SP110: variants seen among roughly 807,000 people sequenced by gnomAD.
SP110 encodes the protein interferon-induced protein 41, 30kD.
SP110 carries 62 observed loss-of-function variants against 92.7 expected under a neutral mutation model. That is an observed-to-expected ratio of 0.67 (90% confidence interval 0.55 to 0.83). The LOEUF (loss-of-function observed/expected upper bound fraction) is 0.83. SP110 is among the 40% of genes least tolerant of loss of function. SP110 has a pLI of 0.00. For synonymous variants in SP110, 273 were observed against 305.3 expected (o/e 0.89, Z 1.10); for missense variants, 793 against 863.9 (o/e 0.92, Z 1.03).
At chr2:230,172,384 G>T in intron 15 of SP110, 1 of 619,732 alleles carries the variant, frequency 1.6e-6, no homozygotes. Flanking sequence ...TGAGGAAGGT[G>T]GTGTCACTGT....
intron 8 of SP110, among the ~76,000 whole-genome samples, chr2:230,207,405 T>A (rs1301506047): frequency 6.6e-6 from 1 of 152,164 alleles, no homozygotes. Flanking sequence ...CCTGCAGCAC[T>A]CATATATATA....
intron 4 of SP110, 55 bp from the exon 5 acceptor site, chr2:230,212,485 G>A: frequency 7.2e-7 from 1 of 1,387,490 alleles, no homozygotes; most frequent in Non-Finnish European, 1.0e-6. Context: ...TCAGGGAGAA[G>A]AGTGAATGTT....
At position 230,165,266 on chromosome 2, in the gene SP110, T is replaced by C. The variant is rs925992731; in HGVS notation, c.*3858A>G. ...CAATAGAACACATTCTAAGATATGG[T>C]GAATCAGAAAACATACCATCCATGT... is the stretch of plus-strand genomic sequence containing the variant. On this transcript the variant is annotated 3_prime_UTR_variant, in exon 19 of 19. Coordinates refer to ENST00000258381, the MANE Select transcript of SP110 (RefSeq NM_080424.4). Among the ~76,000 whole-genome samples the C allele has an allele frequency of 1.3e-5, 2 of 152,350 alleles. No homozygotes were observed. The highest frequency in any genetic ancestry group is 4.8e-5 in the African/African-American group (2 of 41,564).
intron 10 of SP110, among the ~76,000 whole-genome samples, chr2:230,191,592 G>A (rs6736220): frequency 0.75 from 113,205 of 151,672 alleles, 42,459 homozygotes; most frequent in Admixed American, 0.82. Context: ...GGAAGAAGTT[G>A]AATCCCTGAA....
At chr2:230,203,278 A>G (rs536172455) in intron 8 of SP110, 6 of 163,698 alleles carry the variant, frequency 3.7e-5, no homozygotes, top group Non-Finnish European at 6.8e-5. Context: ...GAGGGTGCAG[A>G]GGTGAGTTTG....
At chr2:230,215,809 C>A (rs2045096335) in intron 2 of SP110, among the ~76,000 whole-genome samples, 1 of 152,142 alleles carries the variant, frequency 6.6e-6, no homozygotes, top group Non-Finnish European at 1.5e-5. Context: ...TTAATAAACA[C>A]AAATAAATAC....
upstream of SP110, among the ~76,000 whole-genome samples, chr2:230,224,782 A>G (rs1004572505): frequency 6.6e-6 from 1 of 152,146 alleles, no homozygotes; most frequent in Non-Finnish European, 1.5e-5. Context: ...TTCAATCCTC[A>G]CTACTGTTCT....
upstream of SP110, among the ~76,000 whole-genome samples, chr2:230,221,942 T>C (rs1234644039): frequency 1.3e-5 from 2 of 152,164 alleles, no homozygotes; most frequent in African/African-American, 4.8e-5. Context: ...CATATATGCT[T>C]GGCTGGGCAC....
chr2:230,224,218 A>T (rs2046054809), upstream of SP110, among the ~76,000 whole-genome samples: 1 of 152,214 alleles, frequency 6.6e-6, no homozygotes, highest in Non-Finnish European at 1.5e-5. Context: ...TGTGCTTATA[A>T]GCAAAAGAAG....
chr2:230,183,500 C>T (rs574958053), intron 12 of SP110, 72 bp downstream of exon 12: 57 of 938,622 alleles, frequency 6.1e-5, no homozygotes, highest in Admixed American at 3.1e-4. Flanking sequence ...AAGGAGAGGG[C>T]GGGTGGAGCT....
At position 230,206,595 on chromosome 2, in the gene SP110, TTATATATATATATATATATATATA is replaced by T. The variant is rs56817002; in HGVS notation, c.898+1372_898+1395del. On this transcript the variant is annotated intron_variant, in intron 8 of 18. Transcript: ENST00000258381. Reference sequence around the variant, plus strand: ...TATTATATATTATCTGGTCCAGATTTTATATATATATATATATATATATATATATATATATATATATATGGACCA... The same window carrying T: ...TATTATATATTATCTGGTCCAGATTTTATATATATATATATATATGGACCA... 2.0e-4 allele frequency among the ~76,000 whole-genome samples: 14 copies of T among 70,528 alleles called. No individual in the cohort carries two copies. The East Asian group carries it at 5.6e-3, about 28-fold the overall frequency. The allele number at this position is 70,528 out of a possible 152,430, so 46.3% of individuals were successfully genotyped here. A position where few individuals can be genotyped will look rare whatever the true frequency, so the allele number is the denominator to read the frequency against.
At chr2:230,181,437 A>G (rs2042123781) in intron 12 of SP110, among the ~76,000 whole-genome samples, 2 of 152,216 alleles carry the variant, frequency 1.3e-5, no homozygotes, top group Admixed American at 1.3e-4. Context: ...CACAGTTAAG[A>G]TAAGTGCCAT....
chr2:230,177,720 C>A (rs780095976), intron 13 of SP110, 40 bp from the exon 14 acceptor site: 1 of 1,608,774 alleles, frequency 6.2e-7, no homozygotes, highest in Non-Finnish European at 8.5e-7. Context: ...CCCCCATCCT[C>A]TGTGAATTCA....
At chr2:230,214,832 T>C in intron 3 of SP110, 118 bp downstream of exon 3, 1 of 842,616 alleles carries the variant, frequency 1.2e-6, no homozygotes, top group Non-Finnish European at 2.0e-6. Context: ...ATATGGTCCA[T>C]TCCACCCCAG....
chr2:230,202,395 C>T (rs2043270660), intron 9 of SP110, among the ~76,000 whole-genome samples, 184 bp downstream of exon 9: 1 of 152,158 alleles, frequency 6.6e-6, no homozygotes, highest in South Asian at 2.1e-4. Context: ...CTGTTTCTTC[C>T]ACAAAACTTT....
intron 12 of SP110, among the ~76,000 whole-genome samples, chr2:230,180,789 G>A (rs1481427798): frequency 1.3e-5 from 2 of 152,204 alleles, no homozygotes; most frequent in Non-Finnish European, 2.9e-5. Flanking sequence ...AACTGATGCT[G>A]AGGGACAACT....
chr2:230,188,349 G>A lies in SP110; in HGVS notation c.1130-2206C>T, dbSNP rs543874334. 4.6e-5 allele frequency among the ~76,000 whole-genome samples: 7 copies of A among 152,262 alleles called. No homozygotes were observed. The South Asian group carries it at 6.2e-4, about 13-fold the overall frequency. Reference sequence around the variant, plus strand: ...GTGTACATTTGATTTTGTAACCTGAGACTTTACTGGATTCATTTATCAAAT... The same window carrying A: ...GTGTACATTTGATTTTGTAACCTGAAACTTTACTGGATTCATTTATCAAAT... On this transcript the variant is annotated intron_variant, in intron 10 of 18. Coordinates refer to ENST00000258381, the MANE Select transcript of SP110 (RefSeq NM_080424.4).
At chr2:230,207,949 G>C (rs1341585585) in intron 8 of SP110, 42 bp downstream of exon 8, 1 of 959,068 alleles carries the variant, frequency 1.0e-6, no homozygotes, top group South Asian at 1.3e-5. Flanking sequence ...CCCTGCATGA[G>C]CTGTTTCCAG....
Position 230,216,907 on chromosome 2 carries a change from G to A in SP110, c.21C>T (p.Ala7=), listed in dbSNP as rs201204030. The change falls in exon 2 of 19, where the codon GCC becomes GCT. Residue 7 remains alanine (A), a synonymous_variant. Transcript: ENST00000258381. Reference sequence around the variant, plus strand: ...AGTGCTGAAAAAGAGCCTCTTCCATGGCTCTTGTCATGGTGAACATCCTAT... The same window carrying A: ...AGTGCTGAAAAAGAGCCTCTTCCATAGCTCTTGTCATGGTGAACATCCTAT... The part of the protein sequence containing the change: MFTMTR[A]MEEALFQHFM... 3 of 1,613,706 alleles carry A rather than the reference G, an allele frequency of 1.9e-6. No individual in the cohort carries two copies. The highest frequency in any genetic ancestry group is 2.5e-6 in the Non-Finnish European group (3 of 1,179,964).
Sources: allele counts gnomAD v4.1 joint callset (sites outside exome capture counted in the v4.1 genomes callset), GRCh38; gene constraint gnomAD v4.1.1; transcripts MANE v1.5; gene names NCBI Gene and HGNC (gene_info 2026-07-23, HGNC 2026-07-21).